The following CAMK1D variants were observed in gnomAD, a reference collection of about 807,000 sequenced individuals.
CAMK1D encodes the protein calcium/calmodulin-dependent protein kinase type 1D.
CAMK1D carries 9 observed loss-of-function variants against 47.7 expected under a neutral mutation model. The ratio of observed to expected loss-of-function variants is 0.19; its 90% CI spans 0.11 to 0.33. The LOEUF is 0.33. CAMK1D is among the 10% of genes least tolerant of loss of function. The pLI is 1.00. For missense variants in CAMK1D, 291 were observed against 488.7 expected, an observed-to-expected ratio of 0.60 and a Z score of 3.81; for synonymous variants, 184 against 184.9, an observed-to-expected ratio of 0.99 and a Z score of 0.04.
chr10:12,742,107 C>T (rs940164269), intron 3 of CAMK1D, among the ~76,000 whole-genome samples: 4 of 152,162 alleles, frequency 2.6e-5, no homozygotes, highest in Non-Finnish European at 5.9e-5. Flanking sequence ...CCACTGCTTC[C>T]CTTTGTTTTT....
At chr10:12,566,747 T>A (rs1371181070) in intron 2 of CAMK1D, among the ~76,000 whole-genome samples, 1 of 152,182 alleles carries the variant, frequency 6.6e-6, no homozygotes, top group Non-Finnish European at 1.5e-5. Flanking sequence ...AAAGTAACTC[T>A]TCCTCATCTT....
Position 12,766,361 on chromosome 10 carries a change from C to CTTT in CAMK1D, c.439-3295_439-3293dup, listed in dbSNP as rs61097569. On this transcript the variant is annotated intron_variant, in intron 4 of 10. Transcript: ENST00000619168. ...CTGGCCAGCCCCACGTTGCCTGTTT[C>CTTT]TTTTTTTTTTTTTTTTTTTGAGACG... Among the ~76,000 whole-genome samples the CTTT allele has an allele frequency of 9.4e-4, 97 of 103,332 alleles. 3 individuals are homozygous for CTTT. The highest frequency in any genetic ancestry group is 3.1e-3 in the African/African-American group (81 of 26,118). The allele number at this position is 103,332 out of a possible 152,430, so 67.8% of individuals were successfully genotyped here. A position where few individuals can be genotyped will look rare whatever the true frequency, so the allele number is the denominator to read the frequency against.
chr10:12,427,790 C>G (rs1349908235), intron 1 of CAMK1D, among the ~76,000 whole-genome samples: 1 of 137,428 alleles, frequency 7.3e-6, no homozygotes, highest in Non-Finnish European at 1.5e-5. Flanking sequence ...TCACCGCAAC[C>G]TTTTCCTCCC....
At chr10:12,805,367 CTTTTTTTTT>C (rs35851814) in intron 6 of CAMK1D, among the ~76,000 whole-genome samples, 5,672 of 128,696 alleles carry the variant, frequency 0.044, 144 homozygotes, top group Non-Finnish European at 0.063. Context: ...CTTTACATTT[CTTTTTTTTT>C]TTTTTTTTTT....
chr10:12,664,742 C>T (rs1272406213), intron 2 of CAMK1D, among the ~76,000 whole-genome samples: 1 of 152,206 alleles, frequency 6.6e-6, no homozygotes, highest in Non-Finnish European at 1.5e-5. Context: ...TTGGGACGTA[C>T]TTAAACTACA....
chr10:12,616,139 T>C (rs542192953), intron 2 of CAMK1D, among the ~76,000 whole-genome samples: 15 of 152,208 alleles, frequency 9.9e-5, no homozygotes, highest in African/African-American at 3.6e-4. Flanking sequence ...TAGGTGTGTG[T>C]ATAAATGTAC....
intron 2 of CAMK1D, among the ~76,000 whole-genome samples, chr10:12,635,257 G>T (rs1364086233): frequency 6.6e-6 from 1 of 152,182 alleles, no homozygotes; most frequent in African/African-American, 2.4e-5. Context: ...GAATCCGGTT[G>T]TGTTGGATGG....
chr10:12,660,469 G>C (rs180748854), intron 2 of CAMK1D, among the ~76,000 whole-genome samples: 14 of 152,274 alleles, frequency 9.2e-5, no homozygotes, highest in Admixed American at 5.2e-4. Context: ...TTTGGTATCA[G>C]TTATTTTTTA....
At chr10:12,702,639 A>G (rs1053414300) in intron 3 of CAMK1D, among the ~76,000 whole-genome samples, 1 of 152,204 alleles carries the variant, frequency 6.6e-6, no homozygotes, top group Non-Finnish European at 1.5e-5. Context: ...AGGTAGGTTC[A>G]GTTATGATGA....
At chr10:12,354,168 C>T (rs1837430011) in intron 1 of CAMK1D, among the ~76,000 whole-genome samples, 2 of 152,072 alleles carry the variant, frequency 1.3e-5, no homozygotes, top group African/African-American at 4.8e-5. Flanking sequence ...ATCTTCATCT[C>T]CGCGGGATAT....
At chr10:12,633,858 G>A (rs189046161) in intron 2 of CAMK1D, among the ~76,000 whole-genome samples, 43 of 152,306 alleles carry the variant, frequency 2.8e-4, no homozygotes, top group African/African-American at 9.1e-4. Context: ...TTCCCAGCCA[G>A]GAGTTACTCT....
chr10:12,634,371 C>T (rs771656650), intron 2 of CAMK1D, among the ~76,000 whole-genome samples: 2 of 152,084 alleles, frequency 1.3e-5, no homozygotes, highest in Non-Finnish European at 2.9e-5. Flanking sequence ...CCTCATCCTC[C>T]TACAGCAGCT....
intron 2 of CAMK1D, among the ~76,000 whole-genome samples, chr10:12,571,974 A>G (rs1431267147): frequency 7.2e-5 from 11 of 152,110 alleles, no homozygotes; most frequent in Admixed American, 7.2e-4. Context: ...TATCCTAACA[A>G]AAAGCTTTTG....
intron 1 of CAMK1D, among the ~76,000 whole-genome samples, chr10:12,513,501 A>G (rs1460838280): frequency 6.6e-6 from 1 of 152,034 alleles, no homozygotes; most frequent in Non-Finnish European, 1.5e-5. Context: ...AAAGTACTTA[A>G]TTAGGCCGGG....
chr10:12,662,614 T>G (rs1015348384), intron 2 of CAMK1D, among the ~76,000 whole-genome samples: 4 of 148,640 alleles, frequency 2.7e-5, no homozygotes, highest in African/African-American at 9.9e-5. Context: ...ATTGCACCAC[T>G]GCACTCCAGC....
At chr10:12,572,444 A>G (rs1837356734) in intron 2 of CAMK1D, among the ~76,000 whole-genome samples, 2 of 152,100 alleles carry the variant, frequency 1.3e-5, no homozygotes, top group Non-Finnish European at 2.9e-5. Context: ...GTAACCATTG[A>G]AAATTTTTGC....
At chr10:12,626,043 C>T (rs1001779787) in intron 2 of CAMK1D, among the ~76,000 whole-genome samples, 2 of 152,156 alleles carry the variant, frequency 1.3e-5, no homozygotes, top group African/African-American at 4.8e-5. Flanking sequence ...ATATCTACTG[C>T]ACCATCTCTG....
chr10:12,807,875 C>G (rs554057042), intron 6 of CAMK1D, among the ~76,000 whole-genome samples: 16 of 152,228 alleles, frequency 1.1e-4, no homozygotes, highest in Non-Finnish European at 2.1e-4. Flanking sequence ...CGCCACATCT[C>G]TGCTGCAAAG....
intron 2 of CAMK1D, among the ~76,000 whole-genome samples, chr10:12,584,001 G>A (rs971813293): frequency 6.6e-6 from 1 of 152,122 alleles, no homozygotes; most frequent in African/African-American, 2.4e-5. Context: ...ACTCTGGGAT[G>A]GTTTTTATGT....
Sources: allele counts gnomAD v4.1 joint callset (sites outside exome capture counted in the v4.1 genomes callset), GRCh38; gene constraint gnomAD v4.1.1; transcripts MANE v1.5; gene names NCBI Gene and HGNC (gene_info 2026-07-23, HGNC 2026-07-21).